The following TNFRSF21 variants were observed in gnomAD, a reference collection of about 807,000 sequenced individuals.
TNFRSF21 encodes the protein tumor necrosis factor receptor superfamily member 21.
In TNFRSF21, 19 loss-of-function variants were observed where a neutral mutation model predicts 45.6. The observed-to-expected ratio is 0.42, with a 90% CI of 0.29 to 0.61. TNFRSF21 has a LOEUF of 0.61. TNFRSF21 is among the 20% of genes least tolerant of loss of function. TNFRSF21 has a pLI of 0.23. For synonymous variants in TNFRSF21, 314 were observed against 335.5 expected, an observed-to-expected ratio of 0.94 and a Z score of 0.70; for missense variants, 737 against 851.5, an observed-to-expected ratio of 0.87 and a Z score of 1.67.
At chr6:47,242,532 C>T (rs1334652069) in intron 4 of TNFRSF21, among the ~76,000 whole-genome samples, 2 of 152,194 alleles carry the variant, frequency 1.3e-5, no homozygotes, top group Non-Finnish European at 2.9e-5. Context: ...AGAGCTGTGC[C>T]TTTCCTGTAT....
In TNFRSF21 at chr6:47,286,535, T is replaced by G; in HGVS notation, c.157A>C (p.Thr53Pro). Residue 53 changes from threonine to proline, a missense_variant, in exon 2 of 6, where the codon ACA becomes CCA. Physicochemically the swap from Thr to Pro is conservative, Grantham distance 38 (BLOSUM62 -1). Coordinates refer to ENST00000296861, the MANE Select transcript of TNFRSF21 (RefSeq NM_014452.5). ...PEQKASNLIG[T>P]YRHVDRATGQ... ...GTGGCACGGTCAACATGGCGGTATG[T>G]GCCAATGAGATTCGAGGCCTTCTGT... The G allele has an allele frequency of 2.5e-6, 4 of 1,613,552 alleles. No individual in the cohort carries two copies. Among genetic ancestry groups the G allele is most frequent in the Non-Finnish European group, 3.4e-6 (4 of 1,179,464 alleles).
intron 3 of TNFRSF21, among the ~76,000 whole-genome samples, chr6:47,272,281 C>A (rs1762433015): frequency 6.6e-6 from 1 of 152,160 alleles, no homozygotes; most frequent in Non-Finnish European, 1.5e-5. Context: ...CACTCCTCAG[C>A]AAATATAAAA....
intron 1 of TNFRSF21, among the ~76,000 whole-genome samples, chr6:47,305,923 A>G (rs769372684): frequency 3.9e-5 from 6 of 152,198 alleles, no homozygotes; most frequent in Non-Finnish European, 8.8e-5. Context: ...AAGCCATTCT[A>G]GAGCATTCCT....
At chr6:47,261,889 T>C (rs1765078111) in intron 3 of TNFRSF21, among the ~76,000 whole-genome samples, 1 of 152,196 alleles carries the variant, frequency 6.6e-6, no homozygotes, top group Non-Finnish European at 1.5e-5. Flanking sequence ...TGGTTAAAAA[T>C]TTGTATACCA....
intron 3 of TNFRSF21, among the ~76,000 whole-genome samples, chr6:47,278,014 G>A (rs1762522304): frequency 6.6e-6 from 1 of 152,138 alleles, no homozygotes; most frequent in African/African-American, 2.4e-5. Flanking sequence ...GAATTAGCAG[G>A]GTTCTCTCTC....
intron 3 of TNFRSF21, among the ~76,000 whole-genome samples, chr6:47,279,509 C>A (rs190707812): frequency 1.1e-3 from 169 of 152,276 alleles, no homozygotes; most frequent in African/African-American, 3.5e-3. Context: ...ATTCTACTAT[C>A]TTTACTTTTG....
In TNFRSF21 at chr6:47,269,818, G is replaced by A. The variant is rs149243036; in HGVS notation, c.1243+14120C>T. On this transcript the variant is annotated intron_variant, in intron 3 of 5. Coordinates refer to ENST00000296861, the MANE Select transcript of TNFRSF21 (RefSeq NM_014452.5). ...GTCATGGCTAAAGATATACCCTGTG[G>A]ACAAGAGCGCTGCCTGGGCCCCTGG... 3.3e-5 allele frequency among the ~76,000 whole-genome samples: 5 copies of A among 152,264 alleles called. No individual in the cohort carries two copies. The East Asian group carries it at 7.7e-4, about 24-fold the overall frequency.
chr6:47,304,565 A>G (rs1214547340), intron 1 of TNFRSF21, among the ~76,000 whole-genome samples: 1 of 152,214 alleles, frequency 6.6e-6, no homozygotes, highest in African/African-American at 2.4e-5. Flanking sequence ...CCTGGAGAAA[A>G]GGACTGTCTT....
chr6:47,245,275 C>T (rs1764807218), intron 4 of TNFRSF21, among the ~76,000 whole-genome samples: 2 of 152,166 alleles, frequency 1.3e-5, no homozygotes, highest in Non-Finnish European at 2.9e-5. Flanking sequence ...CTGTCAGCAT[C>T]CTAAGGGATG....
At chr6:47,261,402 A>C (rs1391066840) in intron 3 of TNFRSF21, among the ~76,000 whole-genome samples, 1 of 152,126 alleles carries the variant, frequency 6.6e-6, no homozygotes, top group Non-Finnish European at 1.5e-5. Flanking sequence ...AATGAATGAG[A>C]GTCTTTTTTT....
intron 1 of TNFRSF21, among the ~76,000 whole-genome samples, chr6:47,306,047 G>A (rs1489645372): frequency 6.6e-6 from 1 of 152,180 alleles, no homozygotes; most frequent in South Asian, 2.1e-4. Context: ...AGTCAAGATG[G>A]TGGAAGGTAA....
chr6:47,298,955 G>T (rs1213001599), intron 1 of TNFRSF21, among the ~76,000 whole-genome samples: 7 of 152,142 alleles, frequency 4.6e-5, no homozygotes, highest in East Asian at 3.9e-4. Context: ...ACCATAAAAC[G>T]CTTTACTCAT....
intron 3 of TNFRSF21, among the ~76,000 whole-genome samples, chr6:47,264,600 T>A (rs528281829): frequency 3.9e-5 from 6 of 152,188 alleles, no homozygotes; most frequent in Non-Finnish European, 7.3e-5. Flanking sequence ...AGAATCACAG[T>A]CTCTGACTCC....
At chr6:47,240,456 G>C (rs570690601) in intron 4 of TNFRSF21, among the ~76,000 whole-genome samples, 8 of 152,322 alleles carry the variant, frequency 5.3e-5, no homozygotes, top group African/African-American at 1.9e-4. Context: ...TAAGGAAGTT[G>C]TATCAGCCCC....
rs1174812507 is a variant in TNFRSF21, at chr6:47,284,199, T to C, written c.982A>G (p.Ile328Val). ...ATGGEKSSTP[I>V]KGPKRGHPRQ... ...GGATGTCCCCTCTTGGGGCCCTTGA[T>C]GGGCGTGCTGGACTTCTCGCCCCCA... Residue 328 changes from isoleucine to valine, a missense_variant, in exon 3 of 6, where the codon ATC becomes GTC. By Grantham distance (29) the Ile-to-Val change is conservative (BLOSUM62 3). Coordinates refer to ENST00000296861, the MANE Select transcript of TNFRSF21 (RefSeq NM_014452.5). 1.2e-6 allele frequency: 2 copies of C among 1,614,068 alleles called. No homozygotes were observed. The highest frequency in any genetic ancestry group is 2.7e-5 in the African/African-American group (2 of 74,944).
chr6:47,237,255 G>A (rs577338241), intron 4 of TNFRSF21, among the ~76,000 whole-genome samples: 1 of 152,022 alleles, frequency 6.6e-6, no homozygotes, highest in South Asian at 2.1e-4. Flanking sequence ...GTTGCATTTT[G>A]ACTTCATCTA....
intron 3 of TNFRSF21, among the ~76,000 whole-genome samples, chr6:47,262,727 G>A (rs1765090633): frequency 1.3e-5 from 2 of 152,178 alleles, no homozygotes; most frequent in Non-Finnish European, 2.9e-5. Context: ...TGCAATGGCA[G>A]GAAGGGTATT....
At chr6:47,256,030 A>G (rs1011889420) in intron 3 of TNFRSF21, among the ~76,000 whole-genome samples, 11 of 152,360 alleles carry the variant, frequency 7.2e-5, no homozygotes, top group African/African-American at 2.6e-4. Flanking sequence ...GCTATCAATT[A>G]TTGCTAATAA....
rs1157307989 is a variant in TNFRSF21, at chr6:47,284,456, G to A, written c.749-24C>T. ...GCCTAGAAAAAAGAGTAAGGAGGGG[G>A]GAAGAGCTTTTCCATATTTGGGGAT... On this transcript the variant is annotated intron_variant, in intron 2 of 5. Transcript: ENST00000296861. 4 of 1,504,290 alleles carry A rather than the reference G, an allele frequency of 2.7e-6. No homozygotes were observed. In the South Asian group the frequency reaches 4.2e-5, roughly 16 times the overall value. 93.2% of individuals were successfully genotyped at this position (1,504,290 alleles called of 1,614,324 possible). A position where few individuals can be genotyped will look rare whatever the true frequency, so the allele number is the denominator to read the frequency against.
Sources: gnomAD v4.1 joint callset for allele counts (sites outside exome capture counted in the v4.1 genomes callset) on GRCh38, gnomAD v4.1.1 for gene constraint, MANE v1.5 for transcripts, NCBI Gene and HGNC (gene_info 2026-07-23, HGNC 2026-07-21) for gene names.